CUL4B: variants seen among roughly 807,000 people sequenced by gnomAD.
The protein encoded by CUL4B is cullin 4B, also known as cullin-4B.
In CUL4B, 1 loss-of-function variant was observed where a neutral mutation model predicts 69.2. The observed-to-expected ratio is 0.01, with a 90% CI of 0.01 to 0.07. CUL4B has a LOEUF of 0.07. Among genes scored for constraint, CUL4B ranks in the 10% least tolerant of loss-of-function variants. The probability of loss-of-function intolerance (pLI) is 1.00; values close to 1 mark genes in which losing one functional copy is unlikely to be tolerated. For synonymous variants in CUL4B, 237 were observed against 223.2 expected (o/e 1.06, Z -0.55); for missense variants, 328 against 638.8 (o/e 0.51, Z 5.24).
chrX:120,538,282 CG>C (rs1602574510), intron 13 of CUL4B, 73 bp from the exon 14 acceptor site: 1 of 673,339 alleles, frequency 1.5e-6, no homozygotes, highest in Non-Finnish European at 2.3e-6. Flanking sequence ...GTGGGAAACA[CG>C]AAATACAAAA....
rs185227687 is a variant in CUL4B, at chrX:120,537,509, C to T, written c.1939-475G>A. Among the ~76,000 whole-genome samples, 366 of 111,142 alleles carry T rather than the reference C, an allele frequency of 3.3e-3. 2 individuals are homozygous for T. Among genetic ancestry groups the T allele is most frequent in the African/African-American group, 0.012 (356 of 30,560 alleles). ...GGGAAGGAAAAAGAGGGGAAAAGGG[C>T]AAAGCAGATAAGCCCTATTCTGTAG... On this transcript the variant is annotated intron_variant, in intron 14 of 19. Transcript: ENST00000371322.
At chrX:120,534,880 C>T (rs756198708) in intron 16 of CUL4B, among the ~76,000 whole-genome samples, 1 of 111,505 alleles carries the variant, frequency 9.0e-6, no homozygotes, top group South Asian at 3.7e-4. Flanking sequence ...ATATTCATCA[C>T]AAGCAGCAAG....
In CUL4B at chrX:120,560,609, A is replaced by C. The variant is rs1250723216; in HGVS notation, c.30T>G (p.Ser10Arg). The C allele has an allele frequency of 8.3e-7, 1 of 1,206,117 alleles. No homozygotes were observed. The highest frequency in any genetic ancestry group is 3.0e-5 in the East Asian group (1 of 33,827). Residue 10 changes from serine to arginine, a missense_variant, in exon 1 of 20, where the codon AGT becomes AGG. This residue lies in a region of CUL4B where 102 missense variants were observed against 122.1 expected (regional missense o/e 0.84). Coordinates refer to ENST00000371322, the MANE Select transcript of CUL4B (RefSeq NM_001079872.2). MFPTGFSSPSPSAAAAAQEV... is the reference protein window; with the variant it reads MFPTGFSSPRPSAAAAAQEV... ...CCTGAGCAGCAGCAGCAGCTGAGGG[A>C]CTGGGGGAAGAAAAACCTGTTGGAA...
At chrX:120,551,073 A>G (rs1924656561) in intron 2 of CUL4B, among the ~76,000 whole-genome samples, 1 of 111,801 alleles carries the variant, frequency 8.9e-6, no homozygotes, top group Non-Finnish European at 1.9e-5. Flanking sequence ...CCAGAGGAAT[A>G]TATCAGGTAT....
intron 18 of CUL4B, among the ~76,000 whole-genome samples, chrX:120,531,058 T>C (rs1351322142): frequency 2.7e-5 from 3 of 111,525 alleles, no homozygotes; most frequent in Non-Finnish European, 5.7e-5. Flanking sequence ...GCTCAGTGGC[T>C]CACACCTATA....
intron 18 of CUL4B, among the ~76,000 whole-genome samples, chrX:120,531,073 C>T (rs1923283867): frequency 9.0e-6 from 1 of 111,180 alleles, no homozygotes. Context: ...CCTATAATTC[C>T]AGCACTTTGG....
chrX:120,574,494 G>A (rs959931025), intron 2 of CUL4B: 2 of 1,034,122 alleles, frequency 1.9e-6, no homozygotes, highest in East Asian at 3.1e-5. Context: ...CACCGCGCCC[G>A]GCCTGTTAAC....
Position 120,539,384 on chromosome X carries a change from G to A in CUL4B, c.1637-12C>T, listed in dbSNP as rs199796372. 3 of 1,087,859 alleles carry A rather than the reference G, an allele frequency of 2.8e-6. No individual in the cohort carries two copies. Among genetic ancestry groups the A allele is most frequent in the Admixed American group, 2.3e-5 (1 of 44,351 alleles). The allele number at this position is 1,087,859 out of a possible 1,213,427, so 89.7% of individuals were successfully genotyped here. On this transcript the variant is annotated splice_polypyrimidine_tract_variant and intron_variant, in intron 11 of 19. Transcript: ENST00000371322. ...ATCTACATACTTAGCTAAAATGGGG[G>A]AAAAGTTTGTTGTTTAATAACCGGG...
At chrX:120,528,090 T>C (rs759774336) in intron 19 of CUL4B, among the ~76,000 whole-genome samples, 3 of 111,927 alleles carry the variant, frequency 2.7e-5, no homozygotes, top group Non-Finnish European at 5.6e-5. Flanking sequence ...TTTTATAAAT[T>C]AAGATTTAAA....
intron 2 of CUL4B, among the ~76,000 whole-genome samples, chrX:120,554,714 G>C (rs1924870450): frequency 1.8e-5 from 2 of 112,082 alleles, no homozygotes; most frequent in Non-Finnish European, 3.8e-5. Context: ...TTACCTCAGA[G>C]AAAGAGGGTG....
Position 120,544,107 on chromosome X carries a change from T to G in CUL4B, c.1173+7A>C. On this transcript the variant is annotated splice_region_variant and intron_variant, in intron 7 of 19. Transcript: ENST00000371322. The stretch of plus-strand genomic sequence containing the variant: ...GTGAGAATTTATTAGTCATGATTTT[T>G]AAATACCTCTCTTTCTTGCATTAAT... The G allele has an allele frequency of 8.8e-7, 1 of 1,133,395 alleles. No homozygotes were observed. Among genetic ancestry groups the G allele is most frequent in the Non-Finnish European group, 1.2e-6 (1 of 824,642 alleles). The allele number at this position is 1,133,395 out of a possible 1,213,427, so 93.4% of individuals were successfully genotyped here. A position where few individuals can be genotyped will look rare whatever the true frequency, so the allele number is the denominator to read the frequency against.
chrX:120,565,758 C>G (rs1474562972), upstream of CUL4B, among the ~76,000 whole-genome samples: 1 of 84,917 alleles, frequency 1.2e-5, no homozygotes, highest in Admixed American at 1.4e-4. Flanking sequence ...CAGTGTCTCG[C>G]TCTGTCACCC....
At chrX:120,554,570 G>A (rs1191048862) in intron 2 of CUL4B, among the ~76,000 whole-genome samples, 1 of 112,289 alleles carries the variant, frequency 8.9e-6, no homozygotes, top group Non-Finnish European at 1.9e-5. Flanking sequence ...AGAACAGCAT[G>A]TTCTTTTATA....
intron 2 of CUL4B, among the ~76,000 whole-genome samples, chrX:120,548,711 G>A (rs773549112): frequency 1.6e-4 from 18 of 110,203 alleles, no homozygotes; most frequent in African/African-American, 4.3e-4. Flanking sequence ...GTGCACGCCT[G>A]TAATCCCAGC....
At position 120,560,555 on chromosome X, in the gene CUL4B, G is replaced by A. The variant is rs1925227363; in HGVS notation, c.84C>T (p.Thr28=). The A allele has an allele frequency of 8.3e-7, 1 of 1,206,653 alleles. No homozygotes were observed. The highest frequency in any genetic ancestry group is 1.8e-5 in the African/African-American group (1 of 56,909). The change falls in exon 1 of 20, where the codon ACC becomes ACT. Residue 28 remains threonine (T), a synonymous_variant. Coordinates refer to ENST00000371322, the MANE Select transcript of CUL4B (RefSeq NM_001079872.2). ...QEVRSATDGN[T]STTPPTSAKK... ...TGGCAGAGGTGGGCGGAGTGGTGCT[G>A]GTATTACCATCAGTGGCAGATCTGA... is the stretch of plus-strand genomic sequence containing the variant.
intron 19 of CUL4B, among the ~76,000 whole-genome samples, chrX:120,528,795 C>G (rs1275985485): frequency 5.4e-5 from 6 of 111,791 alleles, no homozygotes; most frequent in African/African-American, 1.6e-4. Context: ...TGGTTTAGTG[C>G]ATCTAAGTGA....
chrX:120,549,475 G>A (rs1924552706), intron 2 of CUL4B, among the ~76,000 whole-genome samples: 1 of 111,637 alleles, frequency 9.0e-6, no homozygotes, highest in African/African-American at 3.3e-5. Context: ...CCCGGGCGGT[G>A]GAGGTTGCAG....
intron 5 of CUL4B, 43 bp from the exon 6 acceptor site, chrX:120,544,686 C>T: frequency 1.8e-6 from 2 of 1,111,037 alleles, no homozygotes; most frequent in East Asian, 3.0e-5. Context: ...TTGACAATAC[C>T]ACTTCTGAAG....
upstream of CUL4B, among the ~76,000 whole-genome samples, chrX:120,562,240 A>G (rs1057509993): frequency 8.9e-6 from 1 of 112,355 alleles, no homozygotes; most frequent in African/African-American, 3.2e-5. Context: ...TATCGGCAAA[A>G]GTCAGTGTTT....
Sources: allele counts gnomAD v4.1 joint callset (sites outside exome capture counted in the v4.1 genomes callset), GRCh38; gene constraint gnomAD v4.1.1; regional missense constraint gnomAD v4.1.1; transcripts MANE v1.5; gene names NCBI Gene and HGNC (gene_info 2026-07-23, HGNC 2026-07-21).